Variants in CENPI observed in about 807,000 individuals in gnomAD.
CENPI encodes the protein FSH primary response 1.
Under a neutral mutation model 60.4 loss-of-function variants are expected in CENPI, and 4 were observed. That is an observed-to-expected ratio of 0.07 (90% confidence interval 0.03 to 0.15). The LOEUF (loss-of-function observed/expected upper bound fraction) is 0.15. Ranked by LOEUF, CENPI falls within the 10% of genes least tolerant of loss-of-function variation. The pLI is 1.00. For missense variants in CENPI, 444 were observed against 534.5 expected (o/e 0.83, Z 1.67); for synonymous variants, 157 against 189.4 (o/e 0.83, Z 1.40).
At chrX:101,142,670 G>A (rs1239714713) in intron 16 of CENPI, among the ~76,000 whole-genome samples, 1 of 111,267 alleles carries the variant, frequency 9.0e-6, no homozygotes, top group Non-Finnish European at 1.9e-5. Context: ...CCTGAACAGT[G>A]AATTGTTTCA....
intron 8 of CENPI, among the ~76,000 whole-genome samples, chrX:101,121,275 TGAGA>T (rs1029271679): frequency 9.0e-6 from 1 of 110,628 alleles, no homozygotes; most frequent in African/African-American, 3.3e-5. Flanking sequence ...TGGTGATGCT[TGAGA>T]GAATTATTTA....
chrX:101,179,932 A>G, the CENPI span, among the ~76,000 whole-genome samples: 44 of 111,961 alleles, frequency 3.9e-4, no homozygotes, highest in East Asian at 0.011. Flanking sequence ...TGGCTGTACC[A>G]TTTTACATTC....
intron 2 of CENPI, chrX:101,099,748 T>A (rs1304989290): frequency 3.7e-5 from 4 of 107,379 alleles, no homozygotes; most frequent in Non-Finnish European, 7.7e-5. Context: ...TTCTATCACA[T>A]CACTGTGTAT....
the CENPI span, among the ~76,000 whole-genome samples, chrX:101,172,031 A>G: frequency 4.5e-5 from 5 of 112,080 alleles, no homozygotes; most frequent in Non-Finnish European, 9.4e-5. Flanking sequence ...AGATATGCGA[A>G]TGGATAATAA....
At chrX:101,134,885 G>A (rs187825501) in intron 15 of CENPI, among the ~76,000 whole-genome samples, 1 of 110,221 alleles carries the variant, frequency 9.1e-6, no homozygotes, top group Non-Finnish European at 1.9e-5. Flanking sequence ...TTAGCCGGGC[G>A]TGCCCATAAT....
chrX:101,135,826 T>C (rs1178140607), intron 15 of CENPI, among the ~76,000 whole-genome samples: 1 of 111,469 alleles, frequency 9.0e-6, no homozygotes, highest in Non-Finnish European at 1.9e-5. Context: ...GTTCAAGCGA[T>C]TCTCTTGACT....
At chrX:101,161,391 T>C in intron 20 of CENPI, 137 bp from the exon 21 acceptor site, 1 of 510,744 alleles carries the variant, frequency 2.0e-6, no homozygotes, top group South Asian at 3.1e-5. Flanking sequence ...ATGGTAGGAA[T>C]AGAACTTTGC....
chrX:101,116,596 G>C (rs2089626034), intron 6 of CENPI, among the ~76,000 whole-genome samples: 1 of 111,844 alleles, frequency 8.9e-6, no homozygotes, highest in Admixed American at 9.6e-5. Flanking sequence ...GGACATTTGA[G>C]TTGTTCTCAC....
the CENPI span, among the ~76,000 whole-genome samples, chrX:101,174,138 T>A: frequency 1.8e-5 from 2 of 112,299 alleles, no homozygotes; most frequent in Non-Finnish European, 3.8e-5. Flanking sequence ...GCTTATACAC[T>A]GTTGGTGGGA....
rs765379371 is a variant in CENPI, at chrX:101,162,787, A to G, written c.2137-46A>G. The G allele has an allele frequency of 8.4e-6, 10 of 1,184,872 alleles. No homozygotes were observed. The Admixed American group carries it at 2.2e-4, about 26-fold the overall frequency. On this transcript the variant is annotated intron_variant, in intron 21 of 21. Coordinates refer to ENST00000682095, the MANE Select transcript of CENPI (RefSeq NM_001386188.2). ...AAAGAGGAGGAAATAGAGAAAAAGC[A>G]TAGTAAAATATTCGATAAGTAATTT...
At chrX:101,128,027 A>G (rs1040389209) in intron 11 of CENPI, among the ~76,000 whole-genome samples, 28 of 111,329 alleles carry the variant, frequency 2.5e-4, no homozygotes, top group African/African-American at 8.2e-4. Flanking sequence ...GTGAAACTCC[A>G]TCTCTATTAA....
Position 101,154,143 on chromosome X carries a change from A to T in CENPI, c.2094+5982A>T, listed in dbSNP as rs1039925723. Among the ~76,000 whole-genome samples the T allele has an allele frequency of 6.2e-5, 7 of 112,118 alleles. 1 individual carries two copies. The highest frequency in any genetic ancestry group is 2.3e-4 in the African/African-American group (7 of 30,960). ...GCCAGTAAATGCTGTCTTGATCCGT[A>T]TAGCTTTGTAGTAAGCTTTGAAATC... On this transcript the variant is annotated intron_variant, in intron 20 of 21. Transcript: ENST00000682095.
Position 101,124,633 on chromosome X carries a change from G to A in CENPI, c.688-2076G>A, listed in dbSNP as rs1393274495. ...ACATGTCGTGGGAGGGACCCAATGGGAGGTAGTTGAATCATGGGGGCGGTT... is the reference window on the plus strand; with the variant it reads ...ACATGTCGTGGGAGGGACCCAATGGAAGGTAGTTGAATCATGGGGGCGGTT... On this transcript the variant is annotated intron_variant, in intron 8 of 21. Coordinates refer to ENST00000682095, the MANE Select transcript of CENPI (RefSeq NM_001386188.2). Among the ~76,000 whole-genome samples the A allele has an allele frequency of 2.7e-5, 3 of 111,171 alleles. No homozygotes were observed. The East Asian group carries it at 8.5e-4, about 31-fold the overall frequency.
At chrX:101,147,667 C>T (rs1424807034) in intron 18 of CENPI, 96 bp from the exon 19 acceptor site, 1 of 673,376 alleles carries the variant, frequency 1.5e-6, no homozygotes, top group Non-Finnish European at 2.3e-6. Context: ...CATATATTTA[C>T]ATTTAAAATG....
intron 17 of CENPI, among the ~76,000 whole-genome samples, chrX:101,145,490 CCAT>C (rs1288616834): frequency 9.1e-6 from 1 of 110,281 alleles, no homozygotes; most frequent in Admixed American, 9.7e-5. Context: ...TTTGTTCATC[CCAT>C]TCCCAACTCC....
At chrX:101,136,765 T>C (rs1242689872) in intron 15 of CENPI, among the ~76,000 whole-genome samples, 1 of 111,748 alleles carries the variant, frequency 8.9e-6, no homozygotes, top group African/African-American at 3.2e-5. Context: ...TCATTTTCCA[T>C]AGAGTTGCAA....
At chrX:101,168,897 A>T (rs182529321), downstream of CENPI, among the ~76,000 whole-genome samples, 3 of 111,946 alleles carry the variant, frequency 2.7e-5, no homozygotes, top group East Asian at 8.5e-4. Context: ...GAGACATGCA[A>T]AGAAATAGGA....
chrX:101,139,833 T>G (rs1013083172), intron 15 of CENPI, among the ~76,000 whole-genome samples: 1 of 99,178 alleles, frequency 1.0e-5, no homozygotes, highest in Non-Finnish European at 2.1e-5. Context: ...TTTTTTTTTT[T>G]GTTTTTTGTT....
chrX:101,132,345 G>A lies in CENPI; in HGVS notation c.1405+38G>A, dbSNP rs368805249. ...AAAATTTGGAGTCATTTGATTCAAC[G>A]TACTATGATTGAAAGGATTTTGAAT... On this transcript the variant is annotated intron_variant, in intron 14 of 21. Coordinates refer to ENST00000682095, the MANE Select transcript of CENPI (RefSeq NM_001386188.2). The A allele has an allele frequency of 2.6e-4, 303 of 1,185,707 alleles. 1 individual carries two copies. Among genetic ancestry groups the A allele is most frequent in the African/African-American group, 4.8e-4 (27 of 56,725 alleles).
Sources: allele counts gnomAD v4.1 joint callset (sites outside exome capture counted in the v4.1 genomes callset), GRCh38; gene constraint gnomAD v4.1.1; transcripts MANE v1.5; gene names NCBI Gene and HGNC (gene_info 2026-07-23, HGNC 2026-07-21).